ENTPD1: variants seen among roughly 807,000 people sequenced by gnomAD.
ENTPD1 encodes the protein ectonucleoside triphosphate diphosphohydrolase 1, also known as ATP diphosphohydrolase.
A neutral mutation model predicts 57.0 loss-of-function variants in ENTPD1; 33 were observed. The observed-to-expected ratio is 0.58, with a 90% CI of 0.44 to 0.77. The LOEUF (loss-of-function observed/expected upper bound fraction) is 0.77. Ranked by LOEUF, ENTPD1 falls within the 30% of genes least tolerant of loss-of-function variation. The probability of loss-of-function intolerance (pLI) is 0.00; values close to 1 mark genes in which losing one functional copy is unlikely to be tolerated. For synonymous variants in ENTPD1, 202 were observed against 218.8 expected (o/e 0.92, Z 0.68); for missense variants, 501 against 603.4 (o/e 0.83, Z 1.78).
At chr10:95,718,450 C>A (rs1158295180) in intron 1 of ENTPD1, among the ~76,000 whole-genome samples, 8 of 152,068 alleles carry the variant, frequency 5.3e-5, no homozygotes, top group Admixed American at 4.6e-4. Flanking sequence ...CCTTTCCTTT[C>A]TGGTGACCCC....
intron 7 of ENTPD1, among the ~76,000 whole-genome samples, chr10:95,848,717 G>C (rs1243878641): frequency 6.6e-6 from 1 of 152,320 alleles, no homozygotes; most frequent in East Asian, 1.9e-4. Flanking sequence ...ACATTTTGCA[G>C]AAGTGCCAAC....
At chr10:95,732,217 A>G (rs2097990056) in intron 1 of ENTPD1, among the ~76,000 whole-genome samples, 1 of 152,206 alleles carries the variant, frequency 6.6e-6, no homozygotes, top group African/African-American at 2.4e-5. Flanking sequence ...TTGCCACCAT[A>G]ATGCCAGTAC....
chr10:95,699,106 T>G, the ENTPD1 span, among the ~76,000 whole-genome samples: 2 of 151,734 alleles, frequency 1.3e-5, no homozygotes, highest in African/African-American at 2.4e-5. Flanking sequence ...GCCAGGGAGG[T>G]TGAGGCTGCA....
intron 1 of ENTPD1, among the ~76,000 whole-genome samples, chr10:95,775,942 T>C (rs2098132128): frequency 6.6e-6 from 1 of 152,204 alleles, no homozygotes; most frequent in Non-Finnish European, 1.5e-5. Flanking sequence ...GTCTGTTTTA[T>C]CAGAGACTAG....
chr10:95,846,855 G>A (rs566932481), intron 6 of ENTPD1, among the ~76,000 whole-genome samples: 1 of 152,078 alleles, frequency 6.6e-6, no homozygotes, highest in Admixed American at 6.5e-5. Context: ...CGGGTGTGGT[G>A]GCACACACCT....
chr10:95,836,157 GT>G (rs1223360927), intron 2 of ENTPD1, among the ~76,000 whole-genome samples: 1 of 152,038 alleles, frequency 6.6e-6, no homozygotes, highest in Non-Finnish European at 1.5e-5. Flanking sequence ...TTATTTCAGG[GT>G]CTCTATTCTG....
At chr10:95,717,993 G>A (rs909340307) in intron 1 of ENTPD1, among the ~76,000 whole-genome samples, 3 of 152,134 alleles carry the variant, frequency 2.0e-5, no homozygotes, top group African/African-American at 7.2e-5. Flanking sequence ...GAAATGTATG[G>A]CCTGAAGTGC....
chr10:95,869,397 C>G lies in ENTPD1; in HGVS notation c.*3014C>G, dbSNP rs1247973549. The G allele has an allele frequency of 1.5e-6, 1 of 655,860 alleles. No individual in the cohort carries two copies. Among genetic ancestry groups the G allele is most frequent in the African/African-American group, 2.0e-5 (1 of 50,512 alleles). The allele number at this position is 655,860 out of a possible 1,614,324, so 40.6% of individuals were successfully genotyped here. A position where few individuals can be genotyped will look rare whatever the true frequency, so the allele number is the denominator to read the frequency against. On this transcript the variant is annotated 3_prime_UTR_variant, in exon 10 of 10. Transcript: ENST00000371205. ...CCCGAGTAGCTGGGATTGCAGGTGCCCACCACCACACCCGGCTAATTTTTG... is the reference window on the plus strand; with the variant it reads ...CCCGAGTAGCTGGGATTGCAGGTGCGCACCACCACACCCGGCTAATTTTTG...
At chr10:95,695,280 A>G in the ENTPD1 span, among the ~76,000 whole-genome samples, 14 of 152,174 alleles carry the variant, frequency 9.2e-5, no homozygotes. Flanking sequence ...GTACAGTGGG[A>G]CTGTAGATGA....
intron 3 of ENTPD1, among the ~76,000 whole-genome samples, chr10:95,841,276 A>C (rs1473181734): frequency 6.6e-6 from 1 of 152,122 alleles, no homozygotes; most frequent in Non-Finnish European, 1.5e-5. Flanking sequence ...AGTCCCAGCT[A>C]CTAGGGTGGC....
intron 1 of ENTPD1, among the ~76,000 whole-genome samples, chr10:95,786,519 G>T (rs749824606): frequency 6.6e-6 from 1 of 152,160 alleles, no homozygotes; most frequent in African/African-American, 2.4e-5. Flanking sequence ...GAACCCTGGT[G>T]TTAGAATCTG....
At position 95,867,535 on chromosome 10, in the gene ENTPD1, T is replaced by TC; in HGVS notation, c.*1153dup. ...TGTGGAGTGGCATGCTTTTGCCCTA[T>TC]CGTGGAATTTACACATCAGAATGTG... On this transcript the variant is annotated 3_prime_UTR_variant, in exon 10 of 10. Transcript: ENST00000371205. 1 of 985,440 alleles carries TC rather than the reference T, an allele frequency of 1.0e-6. No individual in the cohort carries two copies. Among genetic ancestry groups the TC allele is most frequent in the Non-Finnish European group, 1.2e-6 (1 of 829,930 alleles). The allele number at this position is 985,440 out of a possible 1,614,324, so 61.0% of individuals were successfully genotyped here.
rs576002562 is a variant in ENTPD1, at chr10:95,871,885, C to A, written c.*5502C>A. ...TAACATCACCTCTTCTAATGAAGTT[C>A]TAAGAAGAGAGGGAAGAAAAAGTCT... On this transcript the variant is annotated 3_prime_UTR_variant, in exon 10 of 10. Transcript: ENST00000371205. 5 of 985,178 alleles carry A rather than the reference C, an allele frequency of 5.1e-6. No individual in the cohort carries two copies. The highest frequency in any genetic ancestry group is 6.0e-6 in the Non-Finnish European group (5 of 829,874). 61.0% of individuals were successfully genotyped at this position (985,178 alleles called of 1,614,324 possible). A position where few individuals can be genotyped will look rare whatever the true frequency, so the allele number is the denominator to read the frequency against.
the ENTPD1 span, among the ~76,000 whole-genome samples, chr10:95,694,931 C>T: frequency 5.7e-3 from 623 of 110,130 alleles, 3 homozygotes; most frequent in Middle Eastern, 0.046. Context: ...GACGGTGTTT[C>T]GCTCTGTCGC....
chr10:95,723,566 G>A (rs1403909809), intron 1 of ENTPD1, among the ~76,000 whole-genome samples: 3 of 152,132 alleles, frequency 2.0e-5, no homozygotes, highest in African/African-American at 7.2e-5. Flanking sequence ...TTAGTACCTA[G>A]GAGGCAGGGA....
chr10:95,713,744 A>G (rs1421662435), intron 1 of ENTPD1, among the ~76,000 whole-genome samples: 1 of 152,266 alleles, frequency 6.6e-6, no homozygotes, highest in Non-Finnish European at 1.5e-5. Flanking sequence ...TCCACAAAAA[A>G]GGTAGACAGG....
chr10:95,839,587 A>G, intron 2 of ENTPD1, 104 bp from the exon 3 acceptor site: 1 of 1,145,726 alleles, frequency 8.7e-7, no homozygotes, highest in Non-Finnish European at 1.3e-6. Flanking sequence ...CCTCTCAAAT[A>G]CTTTCTCCTC....
At chr10:95,761,379 T>A (rs1196894714) in intron 1 of ENTPD1, among the ~76,000 whole-genome samples, 1 of 152,184 alleles carries the variant, frequency 6.6e-6, no homozygotes, top group Non-Finnish European at 1.5e-5. Context: ...GAAGTAGGTC[T>A]ACATTTCTAA....
At chr10:95,729,882 T>A (rs971695291) in intron 1 of ENTPD1, among the ~76,000 whole-genome samples, 7 of 152,212 alleles carry the variant, frequency 4.6e-5, no homozygotes, top group African/African-American at 1.7e-4. Context: ...AGGAAATAAT[T>A]GCCTTTTGTT....
Sources: gnomAD v4.1 joint callset for allele counts (sites outside exome capture counted in the v4.1 genomes callset) on GRCh38, gnomAD v4.1.1 for gene constraint, MANE v1.5 for transcripts, NCBI Gene and HGNC (gene_info 2026-07-23, HGNC 2026-07-21) for gene names.